The following MDGA2 variants were observed in gnomAD, a reference collection of about 807,000 sequenced individuals.
MDGA2 encodes the protein MAM domain-containing glycosylphosphatidylinositol anchor protein 2.
A neutral mutation model predicts 117.8 loss-of-function variants in MDGA2; 40 were observed. The observed-to-expected ratio is 0.34, with a 90% CI of 0.26 to 0.44. The LOEUF (loss-of-function observed/expected upper bound fraction) is 0.44. Among genes scored for constraint, MDGA2 ranks in the 20% least tolerant of loss-of-function variants. MDGA2 has a pLI of 1.00. For synonymous variants in MDGA2, 452 were observed against 439.0 expected, an observed-to-expected ratio of 1.03 and a Z score of -0.37; for missense variants, 1,123 against 1,250.6, an observed-to-expected ratio of 0.90 and a Z score of 1.54.
chr14:47,286,920 AAGAC>A (rs1016067995), intron 2 of MDGA2, among the ~76,000 whole-genome samples: 2 of 150,342 alleles, frequency 1.3e-5, no homozygotes, highest in Non-Finnish European at 3.0e-5. Flanking sequence ...AGTTCACTGA[AAGAC>A]AGAAAATTTG....
At chr14:47,353,073 T>C (rs552177601) in intron 1 of MDGA2, among the ~76,000 whole-genome samples, 1 of 152,100 alleles carries the variant, frequency 6.6e-6, no homozygotes, top group African/African-American at 2.4e-5. Context: ...ACTCCCTTTA[T>C]TGGAGTTTTA....
In MDGA2 at chr14:46,884,793, C is replaced by T. The variant is rs1346454546; in HGVS notation, c.2239-2572G>A. 6.6e-6 allele frequency among the ~76,000 whole-genome samples: 1 copy of T among 151,744 alleles called. No homozygotes were observed. The highest frequency in any genetic ancestry group is 1.5e-5 in the Non-Finnish European group (1 of 67,942). The stretch of plus-strand genomic sequence containing the variant: ...TAAATTTAAAACATACAATTTAAAT[C>T]AGTTAGGAAAAATACAGAAAAAATG... On this transcript the variant is annotated intron_variant, in intron 10 of 16. Transcript: ENST00000399232. This position sits in a 1 kb window ranked among gnomAD's most constrained non-coding sequence, Gnocchi z 4.1.
intron 1 of MDGA2, among the ~76,000 whole-genome samples, chr14:47,511,864 G>C (rs1894648396): frequency 6.6e-6 from 1 of 152,152 alleles, no homozygotes; most frequent in Non-Finnish European, 1.5e-5. Flanking sequence ...AGTGAAAAAG[G>C]AATGGTGAAG....
intron 9 of MDGA2, among the ~76,000 whole-genome samples, chr14:46,931,026 C>T (rs1219276580): frequency 6.6e-6 from 1 of 151,942 alleles, no homozygotes; most frequent in Non-Finnish European, 1.5e-5. Context: ...ACCAGTCTGA[C>T]TAACATGGTG....
At chr14:47,241,665 CCAAA>C (rs556294158) in intron 2 of MDGA2, among the ~76,000 whole-genome samples, 9 of 151,774 alleles carry the variant, frequency 5.9e-5, no homozygotes, top group African/African-American at 9.6e-5. Context: ...AAATGTTGTC[CCAAA>C]CACTTTCATC....
chr14:46,960,857 AATATTTTATATATACAC>A (rs1885773757), intron 8 of MDGA2, among the ~76,000 whole-genome samples: 1 of 144,224 alleles, frequency 6.9e-6, no homozygotes, highest in South Asian at 2.1e-4. Context: ...TATATATTTT[AATATTTTATATATACAC>A]ATGTTTTATA....
chr14:47,287,820 T>C (rs1241462147), intron 2 of MDGA2, among the ~76,000 whole-genome samples: 4 of 151,906 alleles, frequency 2.6e-5, no homozygotes, highest in African/African-American at 4.8e-5. Context: ...TGGAATAGAG[T>C]GAGCCCTTAA....
At chr14:47,620,201 T>A (rs1594947273) in intron 1 of MDGA2, among the ~76,000 whole-genome samples, 1 of 152,240 alleles carries the variant, frequency 6.6e-6, no homozygotes, top group African/African-American at 2.4e-5. Flanking sequence ...CAGAATATTT[T>A]ATCAAACTAT....
At position 47,022,140 on chromosome 14, in the gene MDGA2, A is replaced by C. The variant is rs570539555; in HGVS notation, c.1819+12871T>G. On this transcript the variant is annotated intron_variant, in intron 8 of 16. Transcript: ENST00000399232. Reference sequence around the variant, plus strand: ...CACTCTATCTCCCAGACTGGAGTGCAGTGACACAATAACGGCTCACTGCAG... The same window carrying C: ...CACTCTATCTCCCAGACTGGAGTGCCGTGACACAATAACGGCTCACTGCAG... Among the ~76,000 whole-genome samples, 5 of 152,258 alleles carry C rather than the reference A, an allele frequency of 3.3e-5. No homozygotes were observed. The South Asian group carries it at 8.3e-4, about 25-fold the overall frequency.
chr14:47,541,778 C>A (rs4900780), intron 1 of MDGA2, among the ~76,000 whole-genome samples: 47,405 of 152,036 alleles, frequency 0.31, 8,361 homozygotes, highest in East Asian at 0.59. Context: ...TCCATTTTAT[C>A]CTCTTCTTAA....
intron 15 of MDGA2, among the ~76,000 whole-genome samples, chr14:46,853,319 C>CAA (rs1383637754): frequency 2.0e-5 from 3 of 151,642 alleles, no homozygotes; most frequent in Admixed American, 6.6e-5. Context: ...CACTTTCAAG[C>CAA]AATTTTATGT....
At chr14:47,552,412 C>G (rs1435762661) in intron 1 of MDGA2, among the ~76,000 whole-genome samples, 3 of 152,230 alleles carry the variant, frequency 2.0e-5, no homozygotes, top group Admixed American at 6.5e-5. Context: ...TTTAACCCTC[C>G]TTAGGAAATT....
At chr14:47,119,830 A>G (rs970015865) in intron 5 of MDGA2, among the ~76,000 whole-genome samples, 1 of 152,154 alleles carries the variant, frequency 6.6e-6, no homozygotes, top group Non-Finnish European at 1.5e-5. Context: ...TTTCTTTTCC[A>G]ATAGCTTTGT....
chr14:47,324,168 C>T (rs1890071551), intron 1 of MDGA2, among the ~76,000 whole-genome samples: 1 of 152,038 alleles, frequency 6.6e-6, no homozygotes, highest in African/African-American at 2.4e-5. Context: ...TGGCGTGAAC[C>T]CAGGAGGCGA....
intron 2 of MDGA2, among the ~76,000 whole-genome samples, chr14:47,250,206 T>C (rs1887398716): frequency 6.6e-6 from 1 of 152,194 alleles, no homozygotes; most frequent in African/African-American, 2.4e-5. Context: ...ATCAGAATAC[T>C]TTACTGCTAA....
intron 2 of MDGA2, among the ~76,000 whole-genome samples, chr14:47,225,405 C>G (rs899614276): frequency 2.0e-5 from 3 of 151,838 alleles, no homozygotes; most frequent in African/African-American, 7.3e-5. Flanking sequence ...AGACTTGGAA[C>G]CAACCCAAAT....
intron 1 of MDGA2, among the ~76,000 whole-genome samples, chr14:47,665,670 C>A (rs1407174107): frequency 6.6e-6 from 1 of 151,670 alleles, no homozygotes; most frequent in Non-Finnish European, 1.5e-5. Flanking sequence ...GGCTTAGCAC[C>A]TGGGCCAGCA....
chr14:47,320,344 T>G (rs1889944097), intron 1 of MDGA2, among the ~76,000 whole-genome samples: 2 of 152,206 alleles, frequency 1.3e-5, no homozygotes, highest in Admixed American at 6.5e-5. Context: ...ATCGTGCCAC[T>G]GCAACTCCAG....
intron 3 of MDGA2, among the ~76,000 whole-genome samples, chr14:47,182,705 T>C (rs764879709): frequency 2.6e-5 from 4 of 152,200 alleles, no homozygotes; most frequent in East Asian, 1.9e-4. Flanking sequence ...AAATTGGTCT[T>C]TGTAGTTGAC....
Sources: allele counts gnomAD v4.1 joint callset (sites outside exome capture counted in the v4.1 genomes callset), GRCh38; gene constraint gnomAD v4.1.1; non-coding constraint Gnocchi (gnomAD v3.1); transcripts MANE v1.5; gene names NCBI Gene and HGNC (gene_info 2026-07-23, HGNC 2026-07-21).